Variants in TBCD observed in about 807,000 individuals in gnomAD.
TBCD encodes tubulin-specific chaperone D.
A neutral mutation model predicts 169.3 loss-of-function variants in TBCD; 105 were observed. The observed-to-expected ratio is 0.62, with a 90% confidence interval of 0.53 to 0.73. The LOEUF is 0.73. TBCD is among the 30% of genes least tolerant of loss of function. The probability of loss-of-function intolerance (pLI) is 0.00; values close to 1 mark genes in which losing one functional copy is unlikely to be tolerated. For synonymous variants in TBCD, 700 were observed against 643.9 expected (o/e 1.09, Z -1.32); for missense variants, 1,444 against 1,600.1 (o/e 0.90, Z 1.66).
In TBCD at chr17:82,864,720, C is replaced by A. The variant is rs180862830; in HGVS notation, c.1319-5504C>A. ...GCTTGGTGCGTGATCCCACCGAGGC[C>A]GGGGTTGTGCTTGGGGCACTGGGGG... On this transcript the variant is annotated intron_variant, in intron 13 of 38. Transcript: ENST00000355528. This position sits in a 1 kb window ranked among gnomAD's most constrained non-coding sequence, Gnocchi z 6.3. Among the ~76,000 whole-genome samples, 1 of 152,076 alleles carries A rather than the reference C, an allele frequency of 6.6e-6. No homozygotes were observed. The highest frequency in any genetic ancestry group is 1.5e-5 in the Non-Finnish European group (1 of 68,000).
intron 23 of TBCD, among the ~76,000 whole-genome samples, chr17:82,912,116 A>G (rs533362828): frequency 6.6e-6 from 1 of 152,074 alleles, no homozygotes; most frequent in South Asian, 2.1e-4. Flanking sequence ...CCCAGTGGAC[A>G]TTGCAGATCC....
At chr17:82,802,551 C>G (rs763225382) in intron 9 of TBCD, among the ~76,000 whole-genome samples, 1 of 152,186 alleles carries the variant, frequency 6.6e-6, no homozygotes, top group Admixed American at 6.5e-5. Flanking sequence ...ACCAGGAGAG[C>G]TCATGGTGGT....
chr17:82,845,570 C>T (rs1474478656), intron 13 of TBCD, among the ~76,000 whole-genome samples: 3 of 149,452 alleles, frequency 2.0e-5, no homozygotes, highest in South Asian at 2.2e-4. Context: ...CCTTCCTCTC[C>T]GTCTGTCCTG....
intron 6 of TBCD, among the ~76,000 whole-genome samples, chr17:82,778,584 C>T (rs1315595659): frequency 1.3e-5 from 2 of 151,796 alleles, no homozygotes; most frequent in African/African-American, 2.4e-5. Flanking sequence ...TTAGCCTCCC[C>T]AGTAGCTGGG....
chr17:82,942,171 T>TATTA (rs2063359781), intron 38 of TBCD: 1 of 551,048 alleles, frequency 1.8e-6, no homozygotes, highest in Non-Finnish European at 3.2e-6. Context: ...TTTACATTTT[T>TATTA]ATTAGGAAAA....
rs1468790404 is a variant in TBCD at position 82,923,890 on chromosome 17, A to T, written c.2260+157A>T. On this transcript the variant is annotated intron_variant, in intron 26 of 38. Transcript: ENST00000355528. The surrounding 1 kb of genome is among the most constrained non-coding windows in gnomAD (Gnocchi z 4.6). ...TGTTCGGGTCTCAGGTTCCCAGCCG[A>T]GGAGCTGTGGGCAGGTCCTGCAGCT... 6.6e-6 allele frequency among the ~76,000 whole-genome samples: 1 copy of T among 152,026 alleles called. No individual in the cohort carries two copies. Among genetic ancestry groups the T allele is most frequent in the Non-Finnish European group, 1.5e-5 (1 of 67,988 alleles).
chr17:82,834,388 C>T (rs1334088613), intron 13 of TBCD, among the ~76,000 whole-genome samples: 2 of 151,966 alleles, frequency 1.3e-5, no homozygotes, highest in Non-Finnish European at 1.5e-5. Context: ...CACTTTAATT[C>T]GTATTAAAAA....
At chr17:82,847,246 G>C (rs558354135) in intron 13 of TBCD, among the ~76,000 whole-genome samples, 38 of 151,750 alleles carry the variant, frequency 2.5e-4, no homozygotes, top group Non-Finnish European at 4.4e-4. Context: ...CCAACTACTC[G>C]GGAGGCTGAG....
At chr17:82,845,078 G>A (rs2054893983) in intron 13 of TBCD, among the ~76,000 whole-genome samples, 1 of 152,182 alleles carries the variant, frequency 6.6e-6, no homozygotes, top group Admixed American at 6.5e-5. Context: ...GTGTGTGTTG[G>A]GGGGTGCCAG....
intron 34 of TBCD, among the ~76,000 whole-genome samples, chr17:82,933,273 CTTTTTTTT>C (rs10639851): frequency 8.7e-6 from 1 of 114,640 alleles, no homozygotes; most frequent in Non-Finnish European, 1.7e-5. Flanking sequence ...TTGGGCCAGT[CTTTTTTTT>C]TTTTTTTTTT....
At chr17:82,865,807 C>T (rs1227953265) in intron 13 of TBCD, among the ~76,000 whole-genome samples, 6 of 152,222 alleles carry the variant, frequency 3.9e-5, no homozygotes, top group Non-Finnish European at 8.8e-5. Flanking sequence ...TCACATATTG[C>T]AGTGGGGACT....
chr17:82,887,168 T>TGTGTGTGCGCGCGCGC lies in TBCD; in HGVS notation c.1534-2499_1534-2498insTGTGTGCGCGCGCGCG. Among the ~76,000 whole-genome samples, 61 of 126,186 alleles carry TGTGTGTGCGCGCGCGC rather than the reference T, an allele frequency of 4.8e-4. 1 individual carries two copies. The highest frequency in any genetic ancestry group is 3.2e-3 in the South Asian group (11 of 3,400). The allele number at this position is 126,186 out of a possible 152,430, so 82.8% of individuals were successfully genotyped here. ...GTGTGTGTGTGTGTGTGTGTGTGTGTGCGCGCGCGCGCACGTGCGCTCACG... is the reference window on the plus strand; with the variant it reads ...GTGTGTGTGTGTGTGTGTGTGTGTGTGTGTGTGCGCGCGCGCGCGCGCGCGCGCACGTGCGCTCACG... On this transcript the variant is annotated intron_variant, in intron 15 of 38. Transcript: ENST00000355528.
At chr17:82,894,848 G>C (rs914761599) in intron 17 of TBCD, among the ~76,000 whole-genome samples, 1 of 152,140 alleles carries the variant, frequency 6.6e-6, no homozygotes, top group African/African-American at 2.4e-5. Flanking sequence ...GTGGTGGCGG[G>C]TGCCTGTAAT....
At chr17:82,921,702 A>AT (rs1483746095) in intron 25 of TBCD, 125 bp downstream of exon 25, 2 of 814,784 alleles carry the variant, frequency 2.5e-6, no homozygotes, top group Non-Finnish European at 4.2e-6. Flanking sequence ...TAACTGACAA[A>AT]TGGGGGCATA....
Position 82,831,885 on chromosome 17 carries a change from C to CTTG in TBCD, c.1318+16952_1318+16954dup. 1 of 1,614,118 alleles carries CTTG rather than the reference C, an allele frequency of 6.2e-7. No individual in the cohort carries two copies. Among genetic ancestry groups the CTTG allele is most frequent in the Non-Finnish European group, 8.5e-7 (1 of 1,180,006 alleles). On this transcript the variant is annotated intron_variant, in intron 13 of 38. Coordinates refer to ENST00000355528, the MANE Select transcript of TBCD (RefSeq NM_005993.5). This position sits in a 1 kb window ranked among gnomAD's most constrained non-coding sequence, Gnocchi z 4.6. ...CCGACTTGGTGTGGAAAGACACGGC[C>CTTG]TTGGCAGTGGGGTTGTGTAAAGCCA...
chr17:82,907,755 C>G lies in TBCD; in HGVS notation c.1923-6C>G. 5 of 1,613,726 alleles carry G rather than the reference C, an allele frequency of 3.1e-6. No individual in the cohort carries two copies. The highest frequency in any genetic ancestry group is 4.2e-6 in the Non-Finnish European group (5 of 1,179,786). On this transcript the variant is annotated splice_polypyrimidine_tract_variant and splice_region_variant and intron_variant, in intron 20 of 38. Transcript: ENST00000355528. ...TGACTTCAGCTCTGTGTTTGAACTTCTGCAGGCCCGTCACGGACCATCTGG... is the reference window on the plus strand; with the variant it reads ...TGACTTCAGCTCTGTGTTTGAACTTGTGCAGGCCCGTCACGGACCATCTGG...
chr17:82,779,206 G>C (rs561390466), intron 6 of TBCD, among the ~76,000 whole-genome samples: 3 of 151,440 alleles, frequency 2.0e-5, no homozygotes, highest in Non-Finnish European at 4.4e-5. Flanking sequence ...TAGAGATGGG[G>C]TGCAAGACAG....
At chr17:82,840,792 G>C (rs1038916293) in intron 13 of TBCD, among the ~76,000 whole-genome samples, 4 of 152,194 alleles carry the variant, frequency 2.6e-5, no homozygotes, top group African/African-American at 9.6e-5. Flanking sequence ...TTAATCGGAG[G>C]CCGCACCCCA....
chr17:82,824,754 C>A (rs1306271052), intron 13 of TBCD, among the ~76,000 whole-genome samples: 1 of 152,116 alleles, frequency 6.6e-6, no homozygotes, highest in South Asian at 2.1e-4. Flanking sequence ...GATACAAGAA[C>A]CTGTTTGACA....
Sources: allele counts gnomAD v4.1 joint callset (sites outside exome capture counted in the v4.1 genomes callset), GRCh38; gene constraint gnomAD v4.1.1; non-coding constraint Gnocchi (gnomAD v3.1); transcripts MANE v1.5; gene names NCBI Gene and HGNC (gene_info 2026-07-23, HGNC 2026-07-21).